Variants in PRKCB observed in about 807,000 individuals in gnomAD.
The protein encoded by PRKCB is protein kinase C beta type.
PRKCB carries 13 observed loss-of-function variants against 81.5 expected under a neutral mutation model. The observed-to-expected ratio is 0.16, with a 90% CI of 0.10 to 0.25. The LOEUF (loss-of-function observed/expected upper bound fraction) is 0.25, where lower values mean the gene tolerates loss of function less well. Ranked by LOEUF, PRKCB falls within the 10% of genes least tolerant of loss-of-function variation. PRKCB has a pLI of 1.00. For missense variants in PRKCB, 509 were observed against 875.7 expected (o/e 0.58, Z 5.29); for synonymous variants, 335 against 321.4 (o/e 1.04, Z -0.45).
At chr16:24,018,464 A>T (rs8058910) in intron 3 of PRKCB, among the ~76,000 whole-genome samples, 8,554 of 152,298 alleles carry the variant, frequency 0.056, 408 homozygotes, top group African/African-American at 0.12. Context: ...CAGTTTCCAC[A>T]CAAGGAAACG....
intron 2 of PRKCB, among the ~76,000 whole-genome samples, chr16:23,908,015 C>T (rs934738430): frequency 2.6e-5 from 4 of 152,200 alleles, no homozygotes; most frequent in Admixed American, 1.3e-4. Flanking sequence ...AGGAAGCACA[C>T]GTGTCTATTC....
chr16:24,013,732 C>T (rs933701917), intron 3 of PRKCB, among the ~76,000 whole-genome samples: 4 of 150,044 alleles, frequency 2.7e-5, no homozygotes, highest in Non-Finnish European at 2.9e-5. Context: ...AGCAGAGTGG[C>T]GTCCTAGTGA....
At chr16:23,876,448 C>T (rs1024155747) in intron 2 of PRKCB, among the ~76,000 whole-genome samples, 8 of 152,184 alleles carry the variant, frequency 5.3e-5, no homozygotes, top group African/African-American at 1.7e-4. Context: ...ACACTTCCCC[C>T]GTCCACCAGA....
At chr16:23,867,901 T>C (rs1177170132) in intron 2 of PRKCB, among the ~76,000 whole-genome samples, 1 of 152,136 alleles carries the variant, frequency 6.6e-6, no homozygotes, top group Non-Finnish European at 1.5e-5. Context: ...AGTCTTTAAT[T>C]ATTCATCTCT....
chr16:24,200,170 G>A (rs529309272), intron 16 of PRKCB, among the ~76,000 whole-genome samples: 1 of 152,160 alleles, frequency 6.6e-6, no homozygotes, highest in African/African-American at 2.4e-5. Context: ...AGAAGGGCAT[G>A]GCAGCATTGA....
At chr16:24,214,234 T>C (rs1167121710) in intron 16 of PRKCB, among the ~76,000 whole-genome samples, 4 of 152,178 alleles carry the variant, frequency 2.6e-5, no homozygotes, top group Non-Finnish European at 5.9e-5. Context: ...AGGTGATGTA[T>C]AAATGGGTCA....
At position 24,215,673 on chromosome 16, in the gene PRKCB, C is replaced by T. The variant is rs1968216881; in HGVS notation, c.*857C>T. Reference sequence around the variant, plus strand: ...GAAAAAAAAAGAAAAAAAAAGGTGACTCACATTGTTACACATGCTTTAAAA... The same window carrying T: ...GAAAAAAAAAGAAAAAAAAAGGTGATTCACATTGTTACACATGCTTTAAAA... On this transcript the variant is annotated 3_prime_UTR_variant, in exon 17 of 17. Transcript: ENST00000643927. The T allele has an allele frequency of 3.0e-6, 3 of 984,950 alleles. No individual in the cohort carries two copies. The African/African-American group carries it at 5.2e-5, about 17-fold the overall frequency. The allele number at this position is 984,950 out of a possible 1,614,324, so 61.0% of individuals were successfully genotyped here. A position where few individuals can be genotyped will look rare whatever the true frequency, so the allele number is the denominator to read the frequency against.
At chr16:23,890,536 C>T (rs1041330147) in intron 2 of PRKCB, among the ~76,000 whole-genome samples, 1 of 152,196 alleles carries the variant, frequency 6.6e-6, no homozygotes, top group African/African-American at 2.4e-5. Flanking sequence ...GACTTAGGAG[C>T]CTGGTCACTT....
chr16:23,882,026 C>CTTTAT (rs1567301154), intron 2 of PRKCB, among the ~76,000 whole-genome samples: 1 of 44,220 alleles, frequency 2.3e-5, no homozygotes, highest in Non-Finnish European at 4.7e-5. Context: ...TTCTTTCTTC[C>CTTTAT]TTCCTTCCTT....
chr16:24,105,375 TA>T (rs201462082), intron 7 of PRKCB, among the ~76,000 whole-genome samples: 2 of 152,102 alleles, frequency 1.3e-5, no homozygotes, highest in African/African-American at 4.8e-5. Flanking sequence ...CTTTTTTTTT[TA>T]AAATTTTACT....
intron 2 of PRKCB, among the ~76,000 whole-genome samples, chr16:23,843,706 A>G (rs181188774): frequency 1.6e-4 from 24 of 150,710 alleles, no homozygotes; most frequent in African/African-American, 5.6e-4. Flanking sequence ...ATAATTTTTA[A>G]AAAATATATT....
intron 2 of PRKCB, among the ~76,000 whole-genome samples, chr16:23,896,167 C>T (rs1963375908): frequency 6.6e-6 from 1 of 151,594 alleles, no homozygotes; most frequent in African/African-American, 2.4e-5. Context: ...ATTTTAGAAC[C>T]AGAATTTATG....
intron 10 of PRKCB, among the ~76,000 whole-genome samples, chr16:24,170,880 A>G (rs1967431362): frequency 6.6e-6 from 1 of 152,262 alleles, no homozygotes; most frequent in African/African-American, 2.4e-5. Flanking sequence ...CAACAAGGGC[A>G]TAGCCCCTGA....
At chr16:24,140,624 G>T (rs532688482) in intron 9 of PRKCB, among the ~76,000 whole-genome samples, 37 of 152,250 alleles carry the variant, frequency 2.4e-4, no homozygotes, top group African/African-American at 8.9e-4. Context: ...GGGGTCGCAG[G>T]ACTGGCTTAT....
chr16:24,037,019 C>T (rs934009122), intron 5 of PRKCB, among the ~76,000 whole-genome samples: 2 of 152,192 alleles, frequency 1.3e-5, no homozygotes, highest in African/African-American at 4.8e-5. Context: ...GAGGGAGACT[C>T]CATCTGTTGC....
intron 11 of PRKCB, chr16:24,174,264 C>T: frequency 2.4e-6 from 1 of 423,846 alleles, no homozygotes; most frequent in Non-Finnish European, 4.2e-6. Flanking sequence ...TCATCATATC[C>T]CATGTCCCCT....
intron 10 of PRKCB, among the ~76,000 whole-genome samples, chr16:24,156,234 A>G (rs996414918): frequency 6.6e-6 from 1 of 152,054 alleles, no homozygotes; most frequent in Non-Finnish European, 1.5e-5. Flanking sequence ...ATAGTTCTCA[A>G]GATAATAAAT....
At chr16:23,837,663 G>A (rs1026711585) in intron 2 of PRKCB, among the ~76,000 whole-genome samples, 1 of 152,110 alleles carries the variant, frequency 6.6e-6, no homozygotes, top group Admixed American at 6.5e-5. Flanking sequence ...GAGTCAAAGC[G>A]GTCTCCTGAA....
intron 2 of PRKCB, among the ~76,000 whole-genome samples, chr16:23,981,272 G>A (rs1325302439): frequency 1.3e-5 from 2 of 151,742 alleles, no homozygotes; most frequent in Admixed American, 6.6e-5. Context: ...TCCAGAAATG[G>A]CACAATTCCA....
Sources: gnomAD v4.1 joint callset for allele counts (sites outside exome capture counted in the v4.1 genomes callset) on GRCh38, gnomAD v4.1.1 for gene constraint, MANE v1.5 for transcripts, NCBI Gene and HGNC (gene_info 2026-07-23, HGNC 2026-07-21) for gene names.